Variants in TBC1D1 observed in about 807,000 individuals in gnomAD.
The protein encoded by TBC1D1 is TBC1 (tre-2/USP6, BUB2, cdc16) domain family, member 1.
TBC1D1 carries 89 observed loss-of-function variants against 125.6 expected under a neutral mutation model. The observed-to-expected ratio is 0.71, with a 90% CI of 0.60 to 0.85. The LOEUF (loss-of-function observed/expected upper bound fraction) is 0.85, where lower values mean the gene tolerates loss of function less well. TBC1D1 is among the 40% of genes least tolerant of loss of function. The probability of loss-of-function intolerance (pLI) is 0.00; values close to 1 mark genes in which losing one functional copy is unlikely to be tolerated. For synonymous variants in TBC1D1, 565 were observed against 564.1 expected (o/e 1.00, Z -0.02); for missense variants, 1,377 against 1,469.2 (o/e 0.94, Z 1.03).
intron 12 of TBC1D1, among the ~76,000 whole-genome samples, chr4:38,067,207 G>A (rs746004760): frequency 4.6e-5 from 7 of 152,180 alleles, no homozygotes; most frequent in Non-Finnish European, 1.0e-4. Flanking sequence ...AAGTAGGAAC[G>A]TGGTAATTAT....
At position 38,052,074 on chromosome 4, in the gene TBC1D1, C is replaced by T. The variant is rs1271947867; in HGVS notation, c.1911-2125C>T. On this transcript the variant is annotated intron_variant, in intron 11 of 19. Coordinates refer to ENST00000261439, the MANE Select transcript of TBC1D1 (RefSeq NM_015173.4). ...TGTGCCAAAGAGGTGAGCACACTCACGTGGCAAGTTTGGTGTTGTCTGTTT... is the reference window on the plus strand; with the variant it reads ...TGTGCCAAAGAGGTGAGCACACTCATGTGGCAAGTTTGGTGTTGTCTGTTT... 9.7e-6 allele frequency: 15 copies of T among 1,550,530 alleles called. No homozygotes were observed. The highest frequency in any genetic ancestry group is 3.3e-4 in the Middle Eastern group (2 of 6,016).
rs1220699182 is a variant in TBC1D1, at chr4:38,115,608, C to T, written c.2558-102C>T. ...ACTGATTGATATTATGATCCAGCTT[C>T]TAAAGATTTTGCTGCTTAATCTGAA... is the stretch of plus-strand genomic sequence containing the variant. On this transcript the variant is annotated intron_variant, in intron 15 of 19. Coordinates refer to ENST00000261439, the MANE Select transcript of TBC1D1 (RefSeq NM_015173.4). 7 of 1,261,798 alleles carry T rather than the reference C, an allele frequency of 5.5e-6. No individual in the cohort carries two copies. In the East Asian group the frequency reaches 1.7e-4, roughly 30 times the overall value. 78.2% of individuals were successfully genotyped at this position (1,261,798 alleles called of 1,614,324 possible).
intron 2 of TBC1D1, among the ~76,000 whole-genome samples, chr4:37,912,408 G>C (rs1415397923): frequency 2.6e-5 from 4 of 152,236 alleles, no homozygotes; most frequent in African/African-American, 9.6e-5. Flanking sequence ...GCCCACTGTA[G>C]CTGGGCCTGC....
chr4:37,990,327 T>TG (rs1242659475), intron 2 of TBC1D1, among the ~76,000 whole-genome samples: 3 of 152,084 alleles, frequency 2.0e-5, no homozygotes, highest in Non-Finnish European at 4.4e-5. Context: ...GAGTTTTTTT[T>TG]TTTTAAGCTA....
At position 38,045,830 on chromosome 4, in the gene TBC1D1, G is replaced by A; in HGVS notation, c.1556G>A (p.Arg519Lys). Residue 519 changes from arginine to lysine, a missense_variant, in exon 10 of 20, where the codon AGA becomes AAA. Physicochemically the swap from Arg to Lys is conservative, Grantham distance 26. This residue lies in a region of TBC1D1 where 822 missense variants were observed against 824.6 expected (regional missense o/e 1.00). Coordinates refer to ENST00000261439, the MANE Select transcript of TBC1D1 (RefSeq NM_015173.4). ...TTCTTTATGTAGGGTAATAAAGCCA[G>A]AGGCCTGCAGGAACACTCCATCAGT... The A allele has an allele frequency of 6.2e-7, 1 of 1,614,108 alleles. No homozygotes were observed. Among genetic ancestry groups the A allele is most frequent in the African/African-American group, 1.3e-5 (1 of 75,042 alleles).
Position 37,916,864 on chromosome 4 carries a change from G to A in TBC1D1, c.417+14352G>A, listed in dbSNP as rs188057780. Reference sequence around the variant, plus strand: ...CTGCACACTGCAACCCCTGCTTCCCGGGGTCAAGATATTCTCCAGCCTCCG... The same window carrying A: ...CTGCACACTGCAACCCCTGCTTCCCAGGGTCAAGATATTCTCCAGCCTCCG... On this transcript the variant is annotated intron_variant, in intron 2 of 19. Coordinates refer to ENST00000261439, the MANE Select transcript of TBC1D1 (RefSeq NM_015173.4). Among the ~76,000 whole-genome samples, 14 of 152,134 alleles carry A rather than the reference G, an allele frequency of 9.2e-5. No homozygotes were observed. In the East Asian group the frequency reaches 2.5e-3, roughly 27 times the overall value.
chr4:38,020,697 T>A lies in TBC1D1; in HGVS notation c.1077+2T>A. On this transcript the variant is annotated splice_donor_variant, in intron 5 of 19. Coordinates refer to ENST00000261439, the MANE Select transcript of TBC1D1 (RefSeq NM_015173.4). LOFTEE classifies it high-confidence loss of function. ...TTTCAGTGCACAAATGAGGCTCTGG[T>A]GAGAGAGGACAAGCAATTCTTACCT... The A allele has an allele frequency of 6.2e-7, 1 of 1,610,838 alleles. No homozygotes were observed. The highest frequency in any genetic ancestry group is 2.2e-5 in the East Asian group (1 of 44,658).
At chr4:37,952,384 T>C (rs1449478237) in intron 2 of TBC1D1, 1 of 367,424 alleles carries the variant, frequency 2.7e-6, no homozygotes, top group African/African-American at 2.1e-5. Flanking sequence ...AATCCAAGTG[T>C]CCATCAATGG....
chr4:37,985,318 T>G (rs2048009087), intron 2 of TBC1D1, among the ~76,000 whole-genome samples: 1 of 152,228 alleles, frequency 6.6e-6, no homozygotes, highest in South Asian at 2.1e-4. Flanking sequence ...ATTTCTATGA[T>G]TTCTGATTTT....
At chr4:37,970,698 G>T (rs1731849373) in intron 2 of TBC1D1, among the ~76,000 whole-genome samples, 1 of 152,242 alleles carries the variant, frequency 6.6e-6, no homozygotes, top group Non-Finnish European at 1.5e-5. Context: ...ATTCTGGTCT[G>T]ACTCCATTTT....
intron 15 of TBC1D1, among the ~76,000 whole-genome samples, chr4:38,111,501 ATGAC>A (rs1361157684): frequency 6.6e-6 from 1 of 152,280 alleles, no homozygotes; most frequent in Non-Finnish European, 1.5e-5. Flanking sequence ...TTATTAAAAA[ATGAC>A]TGTTTTCCAA....
chr4:37,971,716 A>G (rs1732070885), intron 2 of TBC1D1, among the ~76,000 whole-genome samples: 1 of 152,228 alleles, frequency 6.6e-6, no homozygotes, highest in Admixed American at 6.5e-5. Context: ...CTAAAACTGT[A>G]AGAGTGGTTC....
chr4:38,011,089 C>T (rs1368167668), intron 2 of TBC1D1, among the ~76,000 whole-genome samples: 3 of 152,106 alleles, frequency 2.0e-5, no homozygotes, highest in Admixed American at 6.5e-5. Context: ...CAGTGGCTCA[C>T]GCCTGTAATC....
chr4:37,892,453 A>C (rs907512802), intron 1 of TBC1D1, among the ~76,000 whole-genome samples: 1 of 152,162 alleles, frequency 6.6e-6, no homozygotes, highest in Non-Finnish European at 1.5e-5. Flanking sequence ...TTCTGAAGTG[A>C]ACACAAGTAG....
chr4:38,063,684 A>G (rs1204387512), intron 12 of TBC1D1, among the ~76,000 whole-genome samples: 1 of 151,240 alleles, frequency 6.6e-6, no homozygotes, highest in Non-Finnish European at 1.5e-5. Context: ...GCTGGAGTGC[A>G]GTGGTGCGAT....
At chr4:37,903,220 T>C (rs1484414229) in intron 2 of TBC1D1, among the ~76,000 whole-genome samples, 1 of 152,194 alleles carries the variant, frequency 6.6e-6, no homozygotes, top group Non-Finnish European at 1.5e-5. Context: ...AAAAAAAATG[T>C]GAGACATGGT....
intron 1 of TBC1D1, among the ~76,000 whole-genome samples, chr4:37,897,519 A>T (rs1003831971): frequency 6.6e-6 from 1 of 152,220 alleles, no homozygotes; most frequent in African/African-American, 2.4e-5. Context: ...GAAAAACAAA[A>T]ACTTCAGGCA....
rs1750152583 is a variant in TBC1D1 at position 38,049,829 on chromosome 4, C to T, written c.1841C>T (p.Ser614Phe). The T allele has an allele frequency of 1.9e-6, 3 of 1,613,980 alleles. No homozygotes were observed. Among genetic ancestry groups the T allele is most frequent in the East Asian group, 2.2e-5 (1 of 44,876 alleles). Residue 614 changes from serine (S) to phenylalanine (F), a missense_variant, in exon 11 of 20, where the codon TCC becomes TTC. Transcript: ENST00000261439. ...GAACCTCCACAACCTGCCCGGGGGT[C>T]CCCGGGGGTTTCGCAAAGGAAACTT... is the stretch of plus-strand genomic sequence containing the variant.
At chr4:37,969,645 C>T (rs908948604) in intron 2 of TBC1D1, among the ~76,000 whole-genome samples, 2 of 152,220 alleles carry the variant, frequency 1.3e-5, no homozygotes, top group African/African-American at 4.8e-5. Flanking sequence ...CCACACCCAG[C>T]CAAAACTATC....
Sources: allele counts gnomAD v4.1 joint callset (sites outside exome capture counted in the v4.1 genomes callset), GRCh38; gene constraint gnomAD v4.1.1; regional missense constraint gnomAD v4.1.1; transcripts MANE v1.5; gene names NCBI Gene and HGNC (gene_info 2026-07-23, HGNC 2026-07-21).